The following RNF38 variants were observed in gnomAD, a reference collection of about 807,000 sequenced individuals.
RNF38 encodes the protein ring finger protein 38.
In RNF38, 15 loss-of-function variants were observed where a neutral mutation model predicts 67.2. The ratio of observed to expected loss-of-function variants is 0.22; its 90% confidence interval spans 0.15 to 0.34. RNF38 has a LOEUF of 0.34. Ranked by LOEUF, RNF38 falls within the 10% of genes least tolerant of loss-of-function variation. The pLI is 1.00. For missense variants in RNF38, 524 were observed against 639.9 expected, an observed-to-expected ratio of 0.82 and a Z score of 1.95; for synonymous variants, 220 against 218.8, an observed-to-expected ratio of 1.01 and a Z score of -0.05.
intron 2 of RNF38, among the ~76,000 whole-genome samples, chr9:36,408,678 G>A (rs1032279093): frequency 6.6e-6 from 1 of 152,068 alleles, no homozygotes; most frequent in Admixed American, 6.5e-5. Flanking sequence ...ATGGGCCATG[G>A]GTCAAAGGAC....
intron 8 of RNF38, 85 bp from the exon 9 acceptor site, chr9:36,351,284 T>G (rs1011932600): frequency 9.4e-6 from 8 of 853,296 alleles, no homozygotes; most frequent in Non-Finnish European, 1.3e-5. Flanking sequence ...GCCAGTGCTA[T>G]AAGGATGAAG....
intron 2 of RNF38, among the ~76,000 whole-genome samples, chr9:36,408,413 A>G (rs1178611103): frequency 6.6e-6 from 1 of 152,112 alleles, no homozygotes; most frequent in Admixed American, 6.5e-5. Context: ...GAGGAAAGAT[A>G]GGCTAGCCCT....
At chr9:36,475,145 C>CA (rs10572878) in intron 1 of RNF38, among the ~76,000 whole-genome samples, 25 of 122,550 alleles carry the variant, frequency 2.0e-4, no homozygotes, top group African/African-American at 7.3e-4. Flanking sequence ...GACTCTGCCT[C>CA]AAAAAAAAAA....
chr9:36,344,987 T>C, intron 9 of RNF38, 34 bp from the exon 10 acceptor site: 1 of 1,588,910 alleles, frequency 6.3e-7, no homozygotes, highest in South Asian at 1.1e-5. Context: ...TTTTCATCTA[T>C]CTTTACATTT....
At chr9:36,476,717 C>T (rs1321842732) in intron 1 of RNF38, among the ~76,000 whole-genome samples, 2 of 151,452 alleles carry the variant, frequency 1.3e-5, no homozygotes, top group Non-Finnish European at 2.9e-5. Context: ...TAGTAGAAAC[C>T]GGATTTCACC....
intron 1 of RNF38, among the ~76,000 whole-genome samples, chr9:36,440,375 T>C (rs1017843730): frequency 1.3e-5 from 2 of 151,652 alleles, no homozygotes; most frequent in Non-Finnish European, 2.9e-5. Context: ...CTACTAAAAA[T>C]ACAAAATTAA....
Position 36,352,756 on chromosome 9 carries a change from T to C in RNF38, c.1164A>G (p.Leu388=). ...PIPPPPYHPS[L]LPYVLSMLPV... ...AAAGAACTTACAACACATATGGCAG[T>C]AAGCTGGGATGATAAGGGGGAGGTG... The change falls in exon 8 of 12, where the codon TTA becomes TTG. Residue 388 remains leucine (L), a synonymous_variant. Transcript: ENST00000259605. 1 of 1,612,550 alleles carries C rather than the reference T, an allele frequency of 6.2e-7. No homozygotes were observed.
At chr9:36,406,058 C>T (rs1239550514), upstream of RNF38, among the ~76,000 whole-genome samples, 1 of 152,190 alleles carries the variant, frequency 6.6e-6, no homozygotes, top group Admixed American at 6.5e-5. Context: ...TATCATAACA[C>T]CTTACAGCGT....
intron 3 of RNF38, chr9:36,372,643 G>GA (rs1226825051): frequency 1.8e-5 from 11 of 612,240 alleles, no homozygotes; most frequent in South Asian, 5.8e-5. Flanking sequence ...ACACACTGCT[G>GA]AAAAAAACAC....
intron 5 of RNF38, among the ~76,000 whole-genome samples, chr9:36,357,207 A>C (rs1834195089): frequency 6.6e-6 from 1 of 152,216 alleles, no homozygotes; most frequent in Admixed American, 6.5e-5. Context: ...AGAAAAAAAA[A>C]GTTAGTGTGA....
At chr9:36,371,105 T>C (rs1835345867) in intron 3 of RNF38, among the ~76,000 whole-genome samples, 1 of 152,216 alleles carries the variant, frequency 6.6e-6, no homozygotes, top group Non-Finnish European at 1.5e-5. Context: ...AACTGTACTC[T>C]ACATTGGGCA....
chr9:36,477,784 C>A (rs780842049), intron 1 of RNF38, among the ~76,000 whole-genome samples: 7 of 143,014 alleles, frequency 4.9e-5, no homozygotes, highest in Non-Finnish European at 1.5e-5. Context: ...ATCGCACCAC[C>A]GCACTCCAGC....
chr9:36,392,659 G>A (rs1308580222), intron 1 of RNF38, among the ~76,000 whole-genome samples: 4 of 152,156 alleles, frequency 2.6e-5, no homozygotes, highest in Non-Finnish European at 5.9e-5. Context: ...TAGCTACTCA[G>A]GAGGCTAAGG....
intron 1 of RNF38, among the ~76,000 whole-genome samples, chr9:36,484,862 G>T (rs1450902581): frequency 6.6e-6 from 1 of 152,152 alleles, no homozygotes; most frequent in African/African-American, 2.4e-5. Context: ...AACTGTATGG[G>T]TCTATCTAAA....
intron 1 of RNF38, among the ~76,000 whole-genome samples, chr9:36,437,509 G>A (rs1331372312): frequency 6.7e-6 from 1 of 148,400 alleles, no homozygotes; most frequent in Non-Finnish European, 1.5e-5. Context: ...TCTAAAAACC[G>A]AAGAAGAAAA....
intron 1 of RNF38, among the ~76,000 whole-genome samples, chr9:36,468,304 CAG>C (rs1422082091): frequency 2.0e-5 from 3 of 149,942 alleles, no homozygotes; most frequent in African/African-American, 7.4e-5. Context: ...AGATAGGAGA[CAG>C]AGATTACCAG....
intron 1 of RNF38, among the ~76,000 whole-genome samples, chr9:36,427,687 CTATCTATCTATCTAT>C (rs1165873321): frequency 2.5e-3 from 378 of 149,224 alleles, no homozygotes; most frequent in African/African-American, 7.6e-3. Flanking sequence ...ATCTATCTAT[CTATCTATCTATCTAT>C]CTACCTACCT....
At chr9:36,387,353 G>C (rs1370146886) in intron 2 of RNF38, among the ~76,000 whole-genome samples, 1 of 152,178 alleles carries the variant, frequency 6.6e-6, no homozygotes, top group African/African-American at 2.4e-5. Context: ...TAACATAGCA[G>C]TCATTAAGAT....
intron 1 of RNF38, among the ~76,000 whole-genome samples, chr9:36,432,683 C>T (rs1838958785): frequency 6.6e-6 from 1 of 152,026 alleles, no homozygotes; most frequent in African/African-American, 2.4e-5. Context: ...GTCCCACCTA[C>T]TCGGGAGGCT....
Sources: allele counts gnomAD v4.1 joint callset (sites outside exome capture counted in the v4.1 genomes callset), GRCh38; gene constraint gnomAD v4.1.1; transcripts MANE v1.5; gene names NCBI Gene and HGNC (gene_info 2026-07-23, HGNC 2026-07-21).